NFIB: variants seen among roughly 807,000 people sequenced by gnomAD.
NFIB encodes the protein nuclear factor I B.
In NFIB, 11 loss-of-function variants were observed where a neutral mutation model predicts 61.5. The observed-to-expected ratio is 0.18, with a 90% CI of 0.11 to 0.30. The LOEUF is 0.30. Among genes scored for constraint, NFIB ranks in the 10% least tolerant of loss-of-function variants. NFIB has a pLI of 1.00. For synonymous variants in NFIB, 260 were observed against 216.5 expected, an observed-to-expected ratio of 1.20 and a Z score of -1.76; for missense variants, 471 against 608.9, an observed-to-expected ratio of 0.77 and a Z score of 2.38.
chr9:14,255,230 G>C (rs964339687), intron 2 of NFIB, among the ~76,000 whole-genome samples: 10 of 152,054 alleles, frequency 6.6e-5, no homozygotes, highest in African/African-American at 2.4e-4. Context: ...CTCAAAAAAA[G>C]AAAGAAAGAA....
chr9:14,520,809 G>C, the NFIB span, among the ~76,000 whole-genome samples: 2 of 152,092 alleles, frequency 1.3e-5, no homozygotes, highest in African/African-American at 4.8e-5. Flanking sequence ...AGGTACTAAG[G>C]GTAAGGCTGC....
At chr9:14,350,779 A>AT (rs1170475114) in intron 1 of NFIB, among the ~76,000 whole-genome samples, 2 of 152,100 alleles carry the variant, frequency 1.3e-5, no homozygotes, top group Non-Finnish European at 2.9e-5. Flanking sequence ...GGTGTAACCA[A>AT]TTTCTGGTCT....
intron 1 of NFIB, among the ~76,000 whole-genome samples, chr9:14,370,898 C>A (rs2061350698): frequency 6.6e-6 from 1 of 152,144 alleles, no homozygotes; most frequent in Non-Finnish European, 1.5e-5. Flanking sequence ...AGTTCAAGAC[C>A]AGCCTGGCCA....
At chr9:14,200,026 C>G (rs771349287) in intron 2 of NFIB, among the ~76,000 whole-genome samples, 1 of 152,148 alleles carries the variant, frequency 6.6e-6, no homozygotes, top group African/African-American at 2.4e-5. Context: ...CTGCTGCTAA[C>G]AGAGTGAATC....
the NFIB span, among the ~76,000 whole-genome samples, chr9:14,410,031 T>C: frequency 1.3e-5 from 2 of 152,162 alleles, no homozygotes; most frequent in Non-Finnish European, 2.9e-5. Context: ...AACAGGAATG[T>C]CTTTTATGTG....
intron 5 of NFIB, among the ~76,000 whole-genome samples, chr9:14,147,241 C>T (rs2042364803): frequency 1.3e-5 from 2 of 152,140 alleles, no homozygotes; most frequent in South Asian, 2.1e-4. Flanking sequence ...AAAACAAGAG[C>T]TTTGGGGTCA....
At chr9:14,479,266 T>C in the NFIB span, among the ~76,000 whole-genome samples, 2 of 152,138 alleles carry the variant, frequency 1.3e-5, no homozygotes, top group Non-Finnish European at 2.9e-5. Flanking sequence ...TGGGAGTGCA[T>C]GTAGATACCA....
At chr9:14,527,993 A>T in the NFIB span, among the ~76,000 whole-genome samples, 3 of 152,122 alleles carry the variant, frequency 2.0e-5, no homozygotes, top group Non-Finnish European at 4.4e-5. Flanking sequence ...CTCTTTAGAA[A>T]TTCTTTAGTT....
At chr9:14,380,255 T>C (rs958914118) in intron 1 of NFIB, among the ~76,000 whole-genome samples, 1 of 152,114 alleles carries the variant, frequency 6.6e-6, no homozygotes, top group East Asian at 1.9e-4. Flanking sequence ...AGAAGCTCCA[T>C]GGAAGCAAGG....
At chr9:14,360,332 A>C (rs1041561037) in intron 1 of NFIB, among the ~76,000 whole-genome samples, 2 of 152,196 alleles carry the variant, frequency 1.3e-5, no homozygotes, top group African/African-American at 2.4e-5. Context: ...AGCAGTATGA[A>C]CTTTTCATTA....
At chr9:14,235,513 T>A (rs951224928) in intron 2 of NFIB, among the ~76,000 whole-genome samples, 5 of 152,226 alleles carry the variant, frequency 3.3e-5, no homozygotes, top group African/African-American at 1.2e-4. Flanking sequence ...TGGGTTTTCA[T>A]GGGCTATCAT....
At chr9:14,503,297 G>T in the NFIB span, among the ~76,000 whole-genome samples, 1 of 152,008 alleles carries the variant, frequency 6.6e-6, no homozygotes, top group East Asian at 1.9e-4. Flanking sequence ...TTTCCTCTGG[G>T]TAGATAACCA....
the NFIB span, among the ~76,000 whole-genome samples, chr9:14,409,223 C>G: frequency 1.3e-5 from 2 of 151,998 alleles, no homozygotes; most frequent in Non-Finnish European, 2.9e-5. Context: ...TATTAGCTTG[C>G]TTTTCATATA....
intron 6 of NFIB, among the ~76,000 whole-genome samples, chr9:14,129,082 C>G (rs183738032): frequency 6.6e-6 from 1 of 152,016 alleles, no homozygotes; most frequent in Admixed American, 6.5e-5. Flanking sequence ...ATTATACAGA[C>G]CAACACAGAA....
At chr9:14,201,481 A>G (rs1050257249) in intron 2 of NFIB, among the ~76,000 whole-genome samples, 1 of 151,972 alleles carries the variant, frequency 6.6e-6, no homozygotes, top group Admixed American at 6.6e-5. Context: ...ATTTGATGCA[A>G]GACAAACGCC....
chr9:14,355,538 C>T (rs893911594), intron 1 of NFIB, among the ~76,000 whole-genome samples: 14 of 152,228 alleles, frequency 9.2e-5, no homozygotes, highest in African/African-American at 3.1e-4. Context: ...CCAGGGTTAC[C>T]AGATTCTCTA....
At chr9:14,358,223 T>C (rs1044565379) in intron 1 of NFIB, among the ~76,000 whole-genome samples, 5 of 149,114 alleles carry the variant, frequency 3.4e-5, no homozygotes, top group Non-Finnish European at 7.4e-5. Context: ...AAATATATAC[T>C]ATATAAAATA....
chr9:14,130,324 C>T lies in NFIB; in HGVS notation c.926-4558G>A, dbSNP rs950399209. ...ATTTTCTTATGGCTTCCATTAGGAG[C>T]AGGAGAAATATGTTTTTAACTCTGT... On this transcript the variant is annotated intron_variant, in intron 6 of 10. Coordinates refer to ENST00000380953, the MANE Select transcript of NFIB (RefSeq NM_001190737.2). Among the ~76,000 whole-genome samples the T allele has an allele frequency of 1.2e-4, 19 of 152,188 alleles. No homozygotes were observed. The East Asian group carries it at 1.4e-3, about 11-fold the overall frequency.
At chr9:14,418,153 T>C in the NFIB span, among the ~76,000 whole-genome samples, 3 of 152,198 alleles carry the variant, frequency 2.0e-5, no homozygotes, top group Non-Finnish European at 4.4e-5. Context: ...CCACTGTAAA[T>C]GTAATATAAT....
Sources: allele counts gnomAD v4.1 joint callset (sites outside exome capture counted in the v4.1 genomes callset), GRCh38; gene constraint gnomAD v4.1.1; transcripts MANE v1.5; gene names NCBI Gene and HGNC (gene_info 2026-07-23, HGNC 2026-07-21).